The following TM9SF4 variants were observed in gnomAD, a reference collection of about 807,000 sequenced individuals.
The protein encoded by TM9SF4 is transmembrane 9 superfamily member 4.
Under a neutral mutation model 90.4 loss-of-function variants are expected in TM9SF4, and 26 were observed. That is an observed-to-expected ratio of 0.29 (90% confidence interval 0.21 to 0.40). TM9SF4 has a LOEUF of 0.40. Ranked by LOEUF, TM9SF4 falls within the 10% of genes least tolerant of loss-of-function variation. The pLI is 1.00. For synonymous variants in TM9SF4, 293 were observed against 315.4 expected (o/e 0.93, Z 0.75); for missense variants, 549 against 834.8 (o/e 0.66, Z 4.22).
chr20:32,146,266 G>A (rs897266048), intron 8 of TM9SF4, among the ~76,000 whole-genome samples: 1 of 152,168 alleles, frequency 6.6e-6, no homozygotes, highest in Non-Finnish European at 1.5e-5. Context: ...AAGTACAAAT[G>A]GGGGTGGGAG....
In TM9SF4 at chr20:32,109,746, G is replaced by A. The variant is rs369126753; in HGVS notation, c.6G>A (p.Ala2=). The A allele has an allele frequency of 7.1e-6, 11 of 1,551,676 alleles. No individual in the cohort carries two copies. The East Asian group carries it at 1.7e-4, about 24-fold the overall frequency. The part of the protein sequence containing the change: M[A]TAMDWLPWSL... ...CGGCGACACGTGGATCCAAGATGGC[G>A]ACGGCGATGGTGAGTGAAGGAGACT... Residue 2 remains alanine, a synonymous_variant, in exon 1 of 18, where the codon GCG becomes GCA. Transcript: ENST00000398022.
intron 1 of TM9SF4, among the ~76,000 whole-genome samples, chr20:32,128,790 CTG>C (rs55977888): frequency 0.23 from 33,470 of 145,120 alleles, 4,115 homozygotes; most frequent in Middle Eastern, 0.36. Context: ...GTATTCCATT[CTG>C]TGTGTGTGTG....
chr20:32,123,866 A>ATATATATATATATTTTTTTTTT, intron 1 of TM9SF4, among the ~76,000 whole-genome samples: 120 of 93,922 alleles, frequency 1.3e-3, no homozygotes, highest in East Asian at 3.7e-3. Context: ...ATATATATAT[A>ATATATATATATATTTTTTTTTT]TTTTTTTTTT....
intron 1 of TM9SF4, among the ~76,000 whole-genome samples, chr20:32,113,924 TTG>T (rs1052104408): frequency 1.6e-4 from 25 of 152,252 alleles, no homozygotes; most frequent in African/African-American, 6.0e-4. Flanking sequence ...ATGTGATCTT[TTG>T]TGTCTGGCTT....
intron 1 of TM9SF4, among the ~76,000 whole-genome samples, chr20:32,119,092 C>G (rs1465424522): frequency 1.3e-5 from 2 of 152,160 alleles, no homozygotes; most frequent in African/African-American, 4.8e-5. Flanking sequence ...TGGCTCACAC[C>G]TGTAATCCCA....
chr20:32,122,351 T>G (rs543196121), intron 1 of TM9SF4, among the ~76,000 whole-genome samples: 1 of 120,956 alleles, frequency 8.3e-6, no homozygotes, highest in African/African-American at 3.2e-5. Context: ...CGGGCGGAGA[T>G]GCTCCTCACT....
chr20:32,141,796 G>T lies in TM9SF4; in HGVS notation c.429G>T (p.Arg143=). 1 of 1,614,140 alleles carries T rather than the reference G, an allele frequency of 6.2e-7. No homozygotes were observed. Among genetic ancestry groups the T allele is most frequent in the Non-Finnish European group, 8.5e-7 (1 of 1,180,024 alleles). The change falls in exon 5 of 18, where the codon CGG becomes CGT. Residue 143 remains arginine (R), a synonymous_variant. Transcript: ENST00000398022. ...LIADNLPVAT[R]LELYSNRDSD... ...CTGACAACCTGCCTGTGGCCACCCG[G>T]CTGGAGCTCTACTCCAACCGAGACA...
intron 17 of TM9SF4, 52 bp from the exon 18 acceptor site, chr20:32,165,243 T>C (rs2047083107): frequency 6.2e-7 from 1 of 1,605,964 alleles, no homozygotes; most frequent in Admixed American, 1.7e-5. Context: ...CAGTTCGCCA[T>C]GCAGCCTGGC....
At chr20:32,131,265 A>G (rs1205396097) in intron 1 of TM9SF4, among the ~76,000 whole-genome samples, 1 of 152,220 alleles carries the variant, frequency 6.6e-6, no homozygotes, top group Non-Finnish European at 1.5e-5. Context: ...AAATCGGAGG[A>G]AAAACTCCAT....
intron 1 of TM9SF4, among the ~76,000 whole-genome samples, chr20:32,131,798 A>G (rs887620353): frequency 6.6e-6 from 1 of 152,182 alleles, no homozygotes; most frequent in African/African-American, 2.4e-5. Context: ...ATTAAGGGAA[A>G]GAGATGCAAT....
intron 3 of TM9SF4, among the ~76,000 whole-genome samples, chr20:32,138,497 A>G (rs543771413): frequency 6.6e-6 from 1 of 152,220 alleles, no homozygotes; most frequent in Non-Finnish European, 1.5e-5. Context: ...TCTCTACTAA[A>G]AATACAAAAA....
In TM9SF4 at chr20:32,131,597, A is replaced by C. The variant is rs369970230; in HGVS notation, c.16-1416A>C. ...GACAGGTGATCAGGAGGCTGTGGCCAATGTCCAGGTGGGAGGAAATAAGCA... is the reference window on the plus strand; with the variant it reads ...GACAGGTGATCAGGAGGCTGTGGCCCATGTCCAGGTGGGAGGAAATAAGCA... On this transcript the variant is annotated intron_variant, in intron 1 of 17. Transcript: ENST00000398022. Among the ~76,000 whole-genome samples, 18 of 152,104 alleles carry C rather than the reference A, an allele frequency of 1.2e-4. 2 individuals are homozygous for C. The South Asian group carries it at 3.7e-3, about 32-fold the overall frequency.
At position 32,158,475 on chromosome 20, in the gene TM9SF4, C is replaced by T; in HGVS notation, c.1530C>T (p.Pro510=). 1 of 1,614,220 alleles carries T rather than the reference C, an allele frequency of 6.2e-7. No individual in the cohort carries two copies. Among genetic ancestry groups the T allele is most frequent in the Non-Finnish European group, 8.5e-7 (1 of 1,180,038 alleles). The part of the protein sequence containing the change: ...FVGILMAGIL[P]FGAMFIELFF... ...GCATCCTCATGGCTGGGATCTTGCC[C>T]TTCGGCGCCATGTTCATCGAGCTCT... Residue 510 remains proline, a synonymous_variant, in exon 15 of 18, where the codon CCC becomes CCT. Transcript: ENST00000398022.
At chr20:32,114,471 C>T (rs1240266665) in intron 1 of TM9SF4, among the ~76,000 whole-genome samples, 1 of 152,160 alleles carries the variant, frequency 6.6e-6, no homozygotes, top group African/African-American at 2.4e-5. Context: ...GCTGGGACTA[C>T]AGGCACGCAC....
At chr20:32,161,255 C>T (rs1270923214) in intron 16 of TM9SF4, 21 bp from the exon 17 acceptor site, 2 of 1,610,832 alleles carry the variant, frequency 1.2e-6, no homozygotes, top group African/African-American at 2.7e-5. Flanking sequence ...CAACACTGAC[C>T]TTCCTCTGTT....
chr20:32,158,572 C>T, intron 15 of TM9SF4, 58 bp downstream of exon 15: 5 of 1,568,116 alleles, frequency 3.2e-6, no homozygotes, highest in Non-Finnish European at 4.4e-6. Context: ...ACTCCCACTC[C>T]ACTCGGGTGC....
chr20:32,153,737 CT>C (rs138331112), intron 12 of TM9SF4, among the ~76,000 whole-genome samples: 2,225 of 152,304 alleles, frequency 0.015, 47 homozygotes, highest in African/African-American at 0.049. Flanking sequence ...GAGTGAGACC[CT>C]GTCTCTGAAG....
intron 1 of TM9SF4, among the ~76,000 whole-genome samples, chr20:32,123,579 A>G (rs1264328135): frequency 4.6e-5 from 7 of 151,334 alleles, no homozygotes; most frequent in Admixed American, 3.3e-4. Context: ...TTCTTGGTCA[A>G]GTATGTTAAA....
chr20:32,150,810 G>A lies in TM9SF4; in HGVS notation c.1180G>A (p.Gly394Arg), dbSNP rs1357230329. ...GCCATTTTCCCACAGGGTGTTTGGC[G>A]GATTTTCTGCTGGCCGTCTGTACCG... ...FLFMFMGVFG[G>R]FSAGRLYRTL... Residue 394 changes from glycine (G) to arginine (R), a missense_variant, in exon 12 of 18, where the codon GGA (glycine) becomes AGA (arginine). Gly to Arg is a moderately radical substitution (Grantham distance 125). Transcript: ENST00000398022. The A allele has an allele frequency of 6.2e-7, 1 of 1,614,228 alleles. No homozygotes were observed. The highest frequency in any genetic ancestry group is 8.5e-7 in the Non-Finnish European group (1 of 1,180,044).
Sources: allele counts gnomAD v4.1 joint callset (sites outside exome capture counted in the v4.1 genomes callset), GRCh38; gene constraint gnomAD v4.1.1; transcripts MANE v1.5; gene names NCBI Gene and HGNC (gene_info 2026-07-23, HGNC 2026-07-21).